AKAP10: variants seen among roughly 807,000 people sequenced by gnomAD.
AKAP10 encodes the protein A-kinase anchor protein 10, mitochondrial.
AKAP10 carries 24 observed loss-of-function variants against 80.8 expected under a neutral mutation model. The observed-to-expected ratio is 0.30, with a 90% confidence interval of 0.22 to 0.42. The LOEUF (loss-of-function observed/expected upper bound fraction) is 0.42. AKAP10 is among the 10% of genes least tolerant of loss of function. AKAP10 has a pLI of 1.00. For missense variants in AKAP10, 661 were observed against 794.9 expected, an observed-to-expected ratio of 0.83 and a Z score of 2.03; for synonymous variants, 291 against 277.7, an observed-to-expected ratio of 1.05 and a Z score of -0.48.
chr17:19,949,497 C>A (rs548506521), intron 4 of AKAP10, among the ~76,000 whole-genome samples: 1 of 152,092 alleles, frequency 6.6e-6, no homozygotes, highest in African/African-American at 2.4e-5. Flanking sequence ...CTTAGCCGGG[C>A]GCGGTGGCTC....
rs144518192 is a variant in AKAP10 at position 19,908,923 on chromosome 17, A to C, written c.1983+258T>G. On this transcript the variant is annotated intron_variant, in intron 14 of 14. Transcript: ENST00000225737. ...GGCGTGAGCCACTGCACCTGGCCTG[A>C]ACTTTGATATTTAACTCTTTCGTTC... is the stretch of plus-strand genomic sequence containing the variant. Among the ~76,000 whole-genome samples, 17 of 152,284 alleles carry C rather than the reference A, an allele frequency of 1.1e-4. No homozygotes were observed. The East Asian group carries it at 3.3e-3, about 29-fold the overall frequency.
In AKAP10 at chr17:19,932,191, C is replaced by T. The variant is rs537816303; in HGVS notation, c.1468-213G>A. On this transcript the variant is annotated intron_variant, in intron 9 of 14. Coordinates refer to ENST00000225737, the MANE Select transcript of AKAP10 (RefSeq NM_007202.4). ...TAAGGCTGGGTGCAGTGGCTTACAC[C>T]TGTAATCTCAGCACTCTAGGAGGCC... Among the ~76,000 whole-genome samples the T allele has an allele frequency of 2.6e-5, 4 of 152,102 alleles. No homozygotes were observed. The South Asian group carries it at 8.3e-4, about 32-fold the overall frequency.
intron 10 of AKAP10, among the ~76,000 whole-genome samples, chr17:19,927,744 T>TA (rs1250827907): frequency 1.3e-5 from 2 of 150,690 alleles, no homozygotes; most frequent in Non-Finnish European, 1.5e-5. Flanking sequence ...ACCCTGTCTC[T>TA]AAAAAAAATA....
chr17:19,932,707 C>T (rs2042949350), intron 9 of AKAP10, among the ~76,000 whole-genome samples: 2 of 152,098 alleles, frequency 1.3e-5, no homozygotes, highest in South Asian at 2.1e-4. Context: ...TAAATTTTAA[C>T]TTTAATATAT....
intron 12 of AKAP10, among the ~76,000 whole-genome samples, chr17:19,917,103 A>C (rs1485281907): frequency 1.3e-5 from 2 of 151,158 alleles, no homozygotes; most frequent in African/African-American, 4.9e-5. Flanking sequence ...TCTCTACTAA[A>C]AATAACAAAA....
At chr17:19,968,743 G>A (rs558248123) in intron 1 of AKAP10, among the ~76,000 whole-genome samples, 1 of 152,276 alleles carries the variant, frequency 6.6e-6, no homozygotes, top group African/African-American at 2.4e-5. Context: ...TAAGCCATGT[G>A]ATCTTGGACA....
intron 1 of AKAP10, 80 bp downstream of exon 1, chr17:19,977,512 G>T: frequency 1.8e-6 from 2 of 1,118,974 alleles, no homozygotes; most frequent in Non-Finnish European, 2.3e-6. Flanking sequence ...GCCGCCTTGG[G>T]GAAAGCCCTC....
chr17:19,940,711 G>A lies in AKAP10; in HGVS notation c.1185+176C>T, dbSNP rs182060652. On this transcript the variant is annotated intron_variant, in intron 7 of 14. Transcript: ENST00000225737. ...GTTATTTAATACATTGAATTTTCAT[G>A]TTCTCTCTAATATATTATTAAATTA... Among the ~76,000 whole-genome samples the A allele has an allele frequency of 2.8e-3, 431 of 152,214 alleles. 3 individuals carry two copies. Among genetic ancestry groups the A allele is most frequent in the African/African-American group, 9.8e-3 (407 of 41,540 alleles).
intron 3 of AKAP10, among the ~76,000 whole-genome samples, chr17:19,960,868 A>C (rs1335469452): frequency 6.6e-6 from 1 of 151,974 alleles, no homozygotes; most frequent in Non-Finnish European, 1.5e-5. Context: ...TCTACTAAAT[A>C]TACAAAAATC....
intron 1 of AKAP10, 100 bp from the exon 2 acceptor site, chr17:19,968,561 A>G (rs1567778073): frequency 1.0e-6 from 1 of 991,612 alleles, no homozygotes; most frequent in Non-Finnish European, 1.6e-6. Flanking sequence ...ATGAGTATTC[A>G]AAGTTCTAGA....
In AKAP10 at chr17:19,945,653, T is replaced by C. The variant is rs78965644; in HGVS notation, c.976+1754A>G. Reference sequence around the variant, plus strand: ...AGCCAACATGACATGGACCCCAGAATAGCTAACTGGAAGGTACAGTGGGCC... The same window carrying C: ...AGCCAACATGACATGGACCCCAGAACAGCTAACTGGAAGGTACAGTGGGCC... On this transcript the variant is annotated intron_variant, in intron 5 of 14. Coordinates refer to ENST00000225737, the MANE Select transcript of AKAP10 (RefSeq NM_007202.4). 2.7e-3 allele frequency among the ~76,000 whole-genome samples: 406 copies of C among 152,216 alleles called. 15 individuals are homozygous for C. In the East Asian group the frequency reaches 0.074, roughly 28 times the overall value.
chr17:19,928,978 T>G (rs1373360682), intron 10 of AKAP10, among the ~76,000 whole-genome samples: 1 of 152,108 alleles, frequency 6.6e-6, no homozygotes, highest in Non-Finnish European at 1.5e-5. Flanking sequence ...TCAAATAAAA[T>G]GTCATAAATC....
chr17:19,968,724 T>C (rs1241934092), intron 1 of AKAP10, among the ~76,000 whole-genome samples: 1 of 152,240 alleles, frequency 6.6e-6, no homozygotes, highest in East Asian at 1.9e-4. Flanking sequence ...ATTCTGGCTC[T>C]ACCACTTATA....
At chr17:19,918,051 CTCTACTAAAAA>C (rs1233605070) in intron 12 of AKAP10, among the ~76,000 whole-genome samples, 1 of 151,562 alleles carries the variant, frequency 6.6e-6, no homozygotes, top group Non-Finnish European at 1.5e-5. Flanking sequence ...GAAACCCTGT[CTCTACTAAAAA>C]TACAAAAATT....
intron 1 of AKAP10, among the ~76,000 whole-genome samples, chr17:19,973,683 T>C (rs1481293583): frequency 6.6e-6 from 1 of 152,228 alleles, no homozygotes; most frequent in Admixed American, 6.5e-5. Flanking sequence ...CCTCTTGACA[T>C]TTAAGCTAAG....
intron 12 of AKAP10, among the ~76,000 whole-genome samples, chr17:19,915,458 G>C (rs1686119557): frequency 6.6e-6 from 1 of 152,130 alleles, no homozygotes; most frequent in Non-Finnish European, 1.5e-5. Flanking sequence ...ATAGTGCCTG[G>C]CACATAGTAA....
intron 14 of AKAP10, among the ~76,000 whole-genome samples, chr17:19,907,211 T>G (rs1381375711): frequency 6.6e-6 from 1 of 151,190 alleles, no homozygotes; most frequent in Non-Finnish European, 1.5e-5. Flanking sequence ...AGAGATGAGG[T>G]TTCTCCATGT....
intron 8 of AKAP10, among the ~76,000 whole-genome samples, chr17:19,939,158 C>T (rs993216949): frequency 6.6e-6 from 1 of 152,128 alleles, no homozygotes; most frequent in Admixed American, 6.6e-5. Context: ...ATGATGTTTC[C>T]ATCCTCTCAT....
chr17:19,917,693 G>A (rs1450605986), intron 12 of AKAP10, among the ~76,000 whole-genome samples: 2 of 152,174 alleles, frequency 1.3e-5, no homozygotes. Context: ...CCAGTACTTT[G>A]GGAGGCCAAG....
Sources: allele counts gnomAD v4.1 joint callset (sites outside exome capture counted in the v4.1 genomes callset), GRCh38; gene constraint gnomAD v4.1.1; transcripts MANE v1.5; gene names NCBI Gene and HGNC (gene_info 2026-07-23, HGNC 2026-07-21).